MSRA: variants seen among roughly 807,000 people sequenced by gnomAD.
MSRA encodes the protein mitochondrial peptide methionine sulfoxide reductase.
MSRA carries 54 observed loss-of-function variants against 31.3 expected under a neutral mutation model. The ratio of observed to expected loss-of-function variants is 1.73; its 90% confidence interval spans 1.39 to 2.17. The LOEUF (loss-of-function observed/expected upper bound fraction) is 2.17, where lower values mean the gene tolerates loss of function less well. Ranked by LOEUF, MSRA falls within the 30% of genes most tolerant of loss-of-function variation. The pLI is 0.00. For synonymous variants in MSRA, 169 were observed against 116.5 expected (o/e 1.45, Z -2.90); for missense variants, 507 against 300.9 (o/e 1.69, Z -5.07).
chr8:10,359,904 C>A lies in MSRA; in HGVS notation c.543+39915C>A, dbSNP rs999528852. 4.6e-5 allele frequency among the ~76,000 whole-genome samples: 7 copies of A among 152,358 alleles called. No homozygotes were observed. In the East Asian group the frequency reaches 9.6e-4, roughly 21 times the overall value. ...CTGTTCCATCTTCTGTTGCATCCCA[C>A]AGTGTTAAAACTGTGCAGCTGGCCC... On this transcript the variant is annotated intron_variant, in intron 5 of 5. Coordinates refer to ENST00000317173, the MANE Select transcript of MSRA (RefSeq NM_012331.5).
intron 1 of MSRA, among the ~76,000 whole-genome samples, chr8:10,116,253 T>C (rs1252795117): frequency 1.3e-5 from 2 of 152,210 alleles, no homozygotes; most frequent in Non-Finnish European, 2.9e-5. Flanking sequence ...TTTAAAACAT[T>C]GATTTTTTTT....
chr8:10,360,852 G>A (rs1804805491), intron 5 of MSRA, among the ~76,000 whole-genome samples: 2 of 152,148 alleles, frequency 1.3e-5, no homozygotes, highest in Non-Finnish European at 2.9e-5. Context: ...TTCAAATGTG[G>A]AACTGGCTTT....
At chr8:10,301,774 G>C (rs567600748) in intron 4 of MSRA, 136 bp downstream of exon 4, 2 of 721,190 alleles carry the variant, frequency 2.8e-6, no homozygotes, top group Non-Finnish European at 4.5e-6. Flanking sequence ...ATTTATTGAC[G>C]GAGGAGAGGA....
At chr8:10,266,036 A>G (rs1038950591) in intron 3 of MSRA, among the ~76,000 whole-genome samples, 2 of 152,226 alleles carry the variant, frequency 1.3e-5, no homozygotes, top group Non-Finnish European at 2.9e-5. Context: ...GCTGTTACAA[A>G]TAATGCTGCC....
At chr8:10,196,087 G>T (rs544770375) in intron 1 of MSRA, among the ~76,000 whole-genome samples, 1 of 152,158 alleles carries the variant, frequency 6.6e-6, no homozygotes, top group Non-Finnish European at 1.5e-5. Context: ...ACCACTCCCC[G>T]CTCAGCTGCT....
intron 3 of MSRA, among the ~76,000 whole-genome samples, chr8:10,257,862 A>T (rs577915675): frequency 1.2e-3 from 189 of 152,302 alleles, no homozygotes; most frequent in African/African-American, 4.3e-3. Context: ...GATGGGACTG[A>T]TGTCTCCAGC....
At chr8:10,373,513 A>G (rs988239057) in intron 5 of MSRA, among the ~76,000 whole-genome samples, 1 of 152,258 alleles carries the variant, frequency 6.6e-6, no homozygotes, top group African/African-American at 2.4e-5. Context: ...CTGGGATGAC[A>G]GGCATGAGCT....
At chr8:10,107,407 A>G (rs1208584882) in intron 1 of MSRA, among the ~76,000 whole-genome samples, 2 of 152,102 alleles carry the variant, frequency 1.3e-5, no homozygotes, top group Non-Finnish European at 2.9e-5. Context: ...TGAGAAATAG[A>G]TGCTAGAATC....
rs11994148 is a variant in MSRA, at chr8:10,153,730, G to A, written c.143-54103G>A. 4.8e-3 allele frequency among the ~76,000 whole-genome samples: 728 copies of A among 152,264 alleles called. 7 individuals are homozygous for A. Among genetic ancestry groups the A allele is most frequent in the African/African-American group, 0.017 (692 of 41,536 alleles). ...TCCATGTTGCCCCCTTCATAACAAAGTGTTCGCTATCACGTTAAGAAATAT... is the reference window on the plus strand; with the variant it reads ...TCCATGTTGCCCCCTTCATAACAAAATGTTCGCTATCACGTTAAGAAATAT... On this transcript the variant is annotated intron_variant, in intron 1 of 5. Coordinates refer to ENST00000317173, the MANE Select transcript of MSRA (RefSeq NM_012331.5).
intron 1 of MSRA, among the ~76,000 whole-genome samples, chr8:10,201,667 C>G (rs901040286): frequency 6.6e-6 from 1 of 152,220 alleles, no homozygotes; most frequent in Non-Finnish European, 1.5e-5. Flanking sequence ...GAGACATTCA[C>G]AAAACAAAAT....
At chr8:10,416,827 G>A (rs1808489788) in intron 5 of MSRA, among the ~76,000 whole-genome samples, 1 of 152,352 alleles carries the variant, frequency 6.6e-6, no homozygotes, top group Non-Finnish European at 1.5e-5. Flanking sequence ...GAGCCAACAA[G>A]CTGAAACAAA....
At chr8:10,063,938 A>T (rs963822834) in intron 1 of MSRA, among the ~76,000 whole-genome samples, 1 of 152,088 alleles carries the variant, frequency 6.6e-6, no homozygotes, top group African/African-American at 2.4e-5. Flanking sequence ...GGCTTCTTCC[A>T]CTTCTCTGCC....
At chr8:10,377,298 C>G (rs368168169) in intron 5 of MSRA, among the ~76,000 whole-genome samples, 1 of 152,246 alleles carries the variant, frequency 6.6e-6, no homozygotes. Flanking sequence ...GGCCTGAAGC[C>G]CCTTTAAGGG....
chr8:10,174,928 C>G (rs991328544), intron 1 of MSRA, among the ~76,000 whole-genome samples: 10 of 152,204 alleles, frequency 6.6e-5, no homozygotes, highest in Non-Finnish European at 1.0e-4. Context: ...CTTCAGCTTC[C>G]CTTCACAGCC....
chr8:10,419,265 A>G (rs1808670369), intron 5 of MSRA, among the ~76,000 whole-genome samples: 1 of 152,222 alleles, frequency 6.6e-6, no homozygotes, highest in Non-Finnish European at 1.5e-5. Context: ...CACAGCCCCA[A>G]ATTCCGGGAA....
intron 4 of MSRA, among the ~76,000 whole-genome samples, chr8:10,304,714 T>C (rs1801031895): frequency 6.6e-6 from 1 of 152,174 alleles, no homozygotes; most frequent in African/African-American, 2.4e-5. Context: ...TGGCAACCTG[T>C]CACGTTTCAC....
chr8:10,406,543 G>C (rs1196444997), intron 5 of MSRA, among the ~76,000 whole-genome samples: 29 of 152,180 alleles, frequency 1.9e-4, no homozygotes, highest in Non-Finnish European at 1.5e-5. Context: ...GTTACATCCA[G>C]GGTGTTGGTG....
intron 1 of MSRA, among the ~76,000 whole-genome samples, chr8:10,131,269 A>T (rs1332809077): frequency 6.6e-6 from 1 of 152,228 alleles, no homozygotes; most frequent in Non-Finnish European, 1.5e-5. Context: ...TGACAATGCA[A>T]ATAAAGCCTA....
intron 3 of MSRA, among the ~76,000 whole-genome samples, chr8:10,267,349 G>T (rs939827813): frequency 6.6e-6 from 1 of 152,216 alleles, no homozygotes; most frequent in Non-Finnish European, 1.5e-5. Context: ...GGCTGCAGTG[G>T]CTGGGGAGAG....
Sources: gnomAD v4.1 joint callset for allele counts (sites outside exome capture counted in the v4.1 genomes callset) on GRCh38, gnomAD v4.1.1 for gene constraint, MANE v1.5 for transcripts, NCBI Gene and HGNC (gene_info 2026-07-23, HGNC 2026-07-21) for gene names.